The following HPSE2 variants were observed in gnomAD, a reference collection of about 807,000 sequenced individuals.
The protein encoded by HPSE2 is heparanase 2 (inactive), also known as inactive heparanase-2.
HPSE2 carries 38 observed loss-of-function variants against 60.5 expected under a neutral mutation model. The ratio of observed to expected loss-of-function variants is 0.63; its 90% CI spans 0.48 to 0.82. The LOEUF (loss-of-function observed/expected upper bound fraction) is 0.82. Ranked by LOEUF, HPSE2 falls within the 40% of genes least tolerant of loss-of-function variation. HPSE2 has a pLI of 0.00. For synonymous variants in HPSE2, 295 were observed against 293.2 expected, an observed-to-expected ratio of 1.01 and a Z score of -0.06; for missense variants, 713 against 740.4, an observed-to-expected ratio of 0.96 and a Z score of 0.43.
At chr10:99,152,419 A>G (rs1401148845) in intron 2 of HPSE2, among the ~76,000 whole-genome samples, 1 of 152,144 alleles carries the variant, frequency 6.6e-6, no homozygotes, top group Non-Finnish European at 1.5e-5. Flanking sequence ...TCAAGTAATA[A>G]CTCAGATACA....
chr10:99,022,740 T>G (rs1289947471), intron 3 of HPSE2, among the ~76,000 whole-genome samples: 1 of 152,156 alleles, frequency 6.6e-6, no homozygotes, highest in Non-Finnish European at 1.5e-5. Flanking sequence ...AGACACATTC[T>G]GGGCCAGTAG....
chr10:99,085,549 T>C (rs1394634186), intron 3 of HPSE2, among the ~76,000 whole-genome samples: 1 of 152,232 alleles, frequency 6.6e-6, no homozygotes, highest in Non-Finnish European at 1.5e-5. Context: ...TCCATCATAC[T>C]GCTTCATAAA....
At chr10:98,888,871 T>C (rs61883688) in intron 3 of HPSE2, among the ~76,000 whole-genome samples, 10,665 of 152,248 alleles carry the variant, frequency 0.07, 504 homozygotes, top group Non-Finnish European at 0.11. Context: ...ATGTGAAAAC[T>C]AGTAATTTAG....
intron 3 of HPSE2, among the ~76,000 whole-genome samples, chr10:98,964,123 C>T (rs1010435035): frequency 3.3e-5 from 5 of 152,148 alleles, no homozygotes; most frequent in African/African-American, 1.2e-4. Flanking sequence ...CACTCCAGAG[C>T]CTGTCCAGTG....
chr10:99,195,061 G>A (rs892091299), intron 2 of HPSE2, among the ~76,000 whole-genome samples: 1 of 152,104 alleles, frequency 6.6e-6, no homozygotes, highest in East Asian at 1.9e-4. Flanking sequence ...TGTCAGTGAT[G>A]CAAGGATGGC....
chr10:99,070,193 A>C (rs1842741180), intron 3 of HPSE2, among the ~76,000 whole-genome samples: 1 of 152,246 alleles, frequency 6.6e-6, no homozygotes, highest in Non-Finnish European at 1.5e-5. Context: ...AAGCCACACT[A>C]GGAGAAATTA....
At chr10:98,586,612 G>C (rs896115971) in intron 9 of HPSE2, among the ~76,000 whole-genome samples, 1 of 152,164 alleles carries the variant, frequency 6.6e-6, no homozygotes, top group South Asian at 2.1e-4. Context: ...TAGCTAGAAA[G>C]CTAACAAATG....
intron 3 of HPSE2, among the ~76,000 whole-genome samples, chr10:99,010,977 C>G (rs1956999302): frequency 6.7e-6 from 1 of 149,276 alleles, no homozygotes; most frequent in African/African-American, 2.5e-5. Context: ...TAGTACCCAT[C>G]AGTTATATTT....
At chr10:98,555,666 G>C (rs572419230) in intron 9 of HPSE2, among the ~76,000 whole-genome samples, 1 of 152,116 alleles carries the variant, frequency 6.6e-6, no homozygotes, top group Non-Finnish European at 1.5e-5. Flanking sequence ...TAATGAACAT[G>C]TATAAAGTTT....
At chr10:98,781,306 T>TTTTTTTTTTTTTTTTTG (rs66481971) in intron 3 of HPSE2, among the ~76,000 whole-genome samples, 4 of 120,106 alleles carry the variant, frequency 3.3e-5, no homozygotes, top group Non-Finnish European at 5.1e-5. Flanking sequence ...TTTTTTTTTT[T>TTTTTTTTTTTTTTTTTG]ATTTTTAAAT....
At chr10:98,512,863 A>T (rs1465257131) in intron 9 of HPSE2, among the ~76,000 whole-genome samples, 2 of 144,142 alleles carry the variant, frequency 1.4e-5, no homozygotes, top group African/African-American at 5.1e-5. Context: ...TGTTAACTCA[A>T]CTGAGATATT....
At chr10:98,738,811 G>C (rs1230186142) in intron 4 of HPSE2, among the ~76,000 whole-genome samples, 1 of 152,190 alleles carries the variant, frequency 6.6e-6, no homozygotes, top group Non-Finnish European at 1.5e-5. Flanking sequence ...TCATTAAAAA[G>C]TCAGAGAACA....
intron 2 of HPSE2, among the ~76,000 whole-genome samples, chr10:99,199,546 A>G (rs1027485397): frequency 4.6e-5 from 7 of 152,044 alleles, no homozygotes; most frequent in Admixed American, 2.6e-4. Flanking sequence ...TCATTTTCCA[A>G]TTGTATATTT....
the HPSE2 span, among the ~76,000 whole-genome samples, chr10:99,287,422 G>C: frequency 6.6e-6 from 1 of 152,090 alleles, no homozygotes; most frequent in Non-Finnish European, 1.5e-5. Flanking sequence ...TGCCATCAGA[G>C]GAGTCCCAGT....
intron 11 of HPSE2, among the ~76,000 whole-genome samples, chr10:98,460,143 T>C (rs1940225537): frequency 2.0e-5 from 3 of 152,176 alleles, no homozygotes. Flanking sequence ...ATCAGCTCAG[T>C]TTGACTTTTC....
chr10:98,713,947 T>C (rs923945754), intron 5 of HPSE2, among the ~76,000 whole-genome samples: 4 of 151,958 alleles, frequency 2.6e-5, no homozygotes, highest in Non-Finnish European at 5.9e-5. Context: ...ACATATGGTA[T>C]TTCTTCTCTC....
At chr10:98,472,670 T>C (rs1375259369) in intron 11 of HPSE2, among the ~76,000 whole-genome samples, 1 of 151,952 alleles carries the variant, frequency 6.6e-6, no homozygotes, top group Admixed American at 6.6e-5. Flanking sequence ...AAGAAATGAA[T>C]ACAAGTGAAA....
intron 6 of HPSE2, among the ~76,000 whole-genome samples, chr10:98,651,322 A>C (rs138908450): frequency 3.3e-5 from 5 of 152,326 alleles, no homozygotes; most frequent in Admixed American, 2.6e-4. Context: ...AGAGACAGTC[A>C]GTTCTATATG....
chr10:99,101,137 A>C (rs1843961735), intron 3 of HPSE2, among the ~76,000 whole-genome samples: 1 of 152,204 alleles, frequency 6.6e-6, no homozygotes, highest in Admixed American at 6.5e-5. Context: ...CATACATTAC[A>C]ATATTAACCT....
Sources: gnomAD v4.1 joint callset for allele counts (sites outside exome capture counted in the v4.1 genomes callset) on GRCh38, gnomAD v4.1.1 for gene constraint, MANE v1.5 for transcripts, NCBI Gene and HGNC (gene_info 2026-07-23, HGNC 2026-07-21) for gene names.